Variants in XIRP2 observed in about 807,000 individuals in gnomAD.
XIRP2 encodes the protein xin actin-binding repeat-containing protein 2.
Under a neutral mutation model 277.0 loss-of-function variants are expected in XIRP2, and 236 were observed. That is an observed-to-expected ratio of 0.85 (90% CI 0.77 to 0.95). The LOEUF (loss-of-function observed/expected upper bound fraction) is 0.95, where lower values mean the gene tolerates loss of function less well. XIRP2 is among the 40% of genes least tolerant of loss of function. The probability of loss-of-function intolerance (pLI) is 0.00; values close to 1 mark genes in which losing one functional copy is unlikely to be tolerated. For missense variants in XIRP2, 4,640 were observed against 4,157.5 expected (o/e 1.12, Z -3.19); for synonymous variants, 1,490 against 1,416.5 (o/e 1.05, Z -1.17).
rs148605808 is a variant in XIRP2, at chr2:167,117,004, A to G, written c.409-18905A>G. Among the ~76,000 whole-genome samples, 155 of 152,336 alleles carry G rather than the reference A, an allele frequency of 1.0e-3. 2 individuals are homozygous for G. In the East Asian group the frequency reaches 0.029, roughly 28 times the overall value. On this transcript the variant is annotated intron_variant, in intron 2 of 10. Coordinates refer to ENST00000409195, the MANE Select transcript of XIRP2 (RefSeq NM_152381.6). ...AATATATGATTACCTTACCAAAATA[A>G]TAATAGTTCTATCTGTTTCCATCCT...
intron 3 of XIRP2, among the ~76,000 whole-genome samples, chr2:167,173,892 C>T (rs1692766303): frequency 6.6e-6 from 1 of 152,060 alleles, no homozygotes; most frequent in Non-Finnish European, 1.5e-5. Flanking sequence ...TTTCATATGC[C>T]TGTTTGCCAT....
At chr2:167,026,726 G>C (rs910700708) in intron 2 of XIRP2, among the ~76,000 whole-genome samples, 6 of 151,972 alleles carry the variant, frequency 3.9e-5, no homozygotes, top group African/African-American at 1.2e-4. Context: ...CTTAGTTTGG[G>C]TGGATATTAA....
chr2:167,039,567 A>T (rs568321607), intron 2 of XIRP2, among the ~76,000 whole-genome samples: 3 of 152,258 alleles, frequency 2.0e-5, no homozygotes, highest in Non-Finnish European at 2.9e-5. Context: ...ATGAATGAGT[A>T]CACACACACA....
intron 3 of XIRP2, among the ~76,000 whole-genome samples, chr2:167,185,780 A>G (rs1693136267): frequency 6.6e-6 from 1 of 152,086 alleles, no homozygotes; most frequent in South Asian, 2.1e-4. Context: ...TTCTATGTAA[A>G]TGTTATGTTG....
At chr2:167,085,892 A>T (rs1361186487) in intron 2 of XIRP2, among the ~76,000 whole-genome samples, 1 of 152,028 alleles carries the variant, frequency 6.6e-6, no homozygotes, top group East Asian at 1.9e-4. Flanking sequence ...TTGACTCTTT[A>T]TCCAATTTGC....
At chr2:167,168,035 TG>T (rs1460409082) in intron 3 of XIRP2, among the ~76,000 whole-genome samples, 1 of 152,152 alleles carries the variant, frequency 6.6e-6, no homozygotes, top group East Asian at 1.9e-4. Context: ...TCTCAACACT[TG>T]TATATTTCAC....
At chr2:166,906,034 A>G (rs1182153781) in intron 2 of XIRP2, among the ~76,000 whole-genome samples, 1 of 152,048 alleles carries the variant, frequency 6.6e-6, no homozygotes, top group Admixed American at 6.6e-5. Context: ...ATCATCTAAA[A>G]AATTCTGGCT....
chr2:166,968,402 A>G (rs1456170959), intron 2 of XIRP2, among the ~76,000 whole-genome samples: 1 of 152,006 alleles, frequency 6.6e-6, no homozygotes, highest in East Asian at 1.9e-4. Flanking sequence ...ACCCATACGG[A>G]GAACAGAAAC....
Position 167,090,589 on chromosome 2 carries a change from T to C in XIRP2, c.409-45320T>C, listed in dbSNP as rs186525185. Among the ~76,000 whole-genome samples, 11 of 152,292 alleles carry C rather than the reference T, an allele frequency of 7.2e-5. No individual in the cohort carries two copies. The East Asian group carries it at 2.1e-3, about 29-fold the overall frequency. On this transcript the variant is annotated intron_variant, in intron 2 of 10. Transcript: ENST00000409195. ...AGAATACTTGATGCTAGGTGATTTA[T>C]GTTTAAAAGAGATTTATTTAGCTCA...
intron 3 of XIRP2, among the ~76,000 whole-genome samples, chr2:167,169,393 A>G (rs951552800): frequency 2.0e-5 from 3 of 152,174 alleles, no homozygotes; most frequent in African/African-American, 4.8e-5. Flanking sequence ...TGGACCTCCA[A>G]TAACTCCTCA....
chr2:167,009,492 C>A lies in XIRP2; in HGVS notation c.408+105602C>A, dbSNP rs150209106. On this transcript the variant is annotated intron_variant, in intron 2 of 10. Coordinates refer to ENST00000409195, the MANE Select transcript of XIRP2 (RefSeq NM_152381.6). Reference sequence around the variant, plus strand: ...TCGGACATTGGGGTTGATTTCAAGTCTTTGCTATTGTGAATAGTGCCGCAA... The same window carrying A: ...TCGGACATTGGGGTTGATTTCAAGTATTTGCTATTGTGAATAGTGCCGCAA... Among the ~76,000 whole-genome samples, 784 of 152,030 alleles carry A rather than the reference C, an allele frequency of 5.2e-3. 8 individuals are homozygous for A. The highest frequency in any genetic ancestry group is 0.017 in the African/African-American group (718 of 41,460).
intron 3 of XIRP2, among the ~76,000 whole-genome samples, chr2:167,190,932 T>G (rs1479052635): frequency 6.6e-6 from 1 of 152,098 alleles, no homozygotes; most frequent in Non-Finnish European, 1.5e-5. Context: ...TTGGCCATGG[T>G]GGCTCACGCC....
At chr2:166,986,084 C>T (rs1355135392) in intron 2 of XIRP2, among the ~76,000 whole-genome samples, 1 of 152,296 alleles carries the variant, frequency 6.6e-6, no homozygotes, top group East Asian at 1.9e-4. Flanking sequence ...CGCCTAGCTG[C>T]ATTGGTATTC....
intron 3 of XIRP2, among the ~76,000 whole-genome samples, chr2:167,185,336 T>G (rs1693124898): frequency 6.6e-6 from 1 of 152,108 alleles, no homozygotes; most frequent in African/African-American, 2.4e-5. Flanking sequence ...TAATGTATAA[T>G]CATTGGGTTT....
At chr2:167,086,189 C>G (rs1259053789) in intron 2 of XIRP2, among the ~76,000 whole-genome samples, 1 of 151,956 alleles carries the variant, frequency 6.6e-6, no homozygotes, top group Admixed American at 6.6e-5. Flanking sequence ...TTTTATTTCT[C>G]CTGCACTTAT....
At position 167,251,137 on chromosome 2, in the gene XIRP2, AG is replaced by A. The variant is rs1695484911; in HGVS notation, c.9746del (p.Ser3249MetfsTer29). On this transcript the variant is annotated frameshift_variant, in exon 9 of 11. Coordinates refer to ENST00000409195, the MANE Select transcript of XIRP2 (RefSeq NM_152381.6). LOFTEE classifies it high-confidence loss of function. The stretch of plus-strand genomic sequence containing the variant: ...ACCAGTAAATATAAATCATGCTGCT[AG>A]TGGTTCCTTCAGAGAATCTGTGGAC... The part of the protein sequence containing the change: ...TIPVNINHAA[S>X]GSFRESVDAQ... 1 of 1,613,396 alleles carries A rather than the reference AG, an allele frequency of 6.2e-7. No homozygotes were observed. The highest frequency in any genetic ancestry group is 1.1e-5 in the South Asian group (1 of 91,090).
At chr2:166,959,688 C>A (rs1686252794) in intron 2 of XIRP2, among the ~76,000 whole-genome samples, 1 of 151,790 alleles carries the variant, frequency 6.6e-6, no homozygotes, top group Admixed American at 6.6e-5. Context: ...GGTTTATTTT[C>A]CTCTTGTTCA....
At chr2:167,221,263 A>G (rs7569158) in intron 5 of XIRP2, among the ~76,000 whole-genome samples, 44,062 of 151,766 alleles carry the variant, frequency 0.29, 8,645 homozygotes, top group African/African-American at 0.56. Context: ...ACCTGAATTC[A>G]AGACCAGCTT....
At chr2:167,023,732 A>T (rs978124932) in intron 2 of XIRP2, among the ~76,000 whole-genome samples, 1 of 151,434 alleles carries the variant, frequency 6.6e-6, no homozygotes, top group Non-Finnish European at 1.5e-5. Context: ...CCATTGCTTG[A>T]TTTTCTCGGG....
Sources: allele counts gnomAD v4.1 joint callset (sites outside exome capture counted in the v4.1 genomes callset), GRCh38; gene constraint gnomAD v4.1.1; transcripts MANE v1.5; gene names NCBI Gene and HGNC (gene_info 2026-07-23, HGNC 2026-07-21).